Variants in GABRB3 observed in about 807,000 individuals in gnomAD.
GABRB3 encodes the protein gamma-aminobutyric acid type A receptor subunit beta3, also known as gamma-aminobutyric acid receptor subunit beta-3.
In GABRB3, 14 loss-of-function variants were observed where a neutral mutation model predicts 52.1. That is an observed-to-expected ratio of 0.27 (90% CI 0.18 to 0.42). The LOEUF is 0.42. GABRB3 is among the 10% of genes least tolerant of loss of function. The pLI is 1.00. For missense variants in GABRB3, 307 were observed against 609.1 expected, an observed-to-expected ratio of 0.50 and a Z score of 5.22; for synonymous variants, 260 against 232.3, an observed-to-expected ratio of 1.12 and a Z score of -1.08.
At chr15:26,561,263 C>T in intron 7 of GABRB3, 87 bp from the exon 8 acceptor site, 2 of 1,579,970 alleles carry the variant, frequency 1.3e-6, no homozygotes, top group Non-Finnish European at 1.7e-6. Context: ...TCTCAAACAG[C>T]TTTAAGTAGT....
intron 4 of GABRB3, among the ~76,000 whole-genome samples, chr15:26,587,254 T>TA (rs1268889308): frequency 6.6e-6 from 1 of 152,208 alleles, no homozygotes; most frequent in African/African-American, 2.4e-5. Flanking sequence ...TTTTTCTTTT[T>TA]ATGTGAGGAA....
intron 3 of GABRB3, among the ~76,000 whole-genome samples, chr15:26,669,592 A>C (rs1887824088): frequency 1.3e-5 from 2 of 150,744 alleles, no homozygotes; most frequent in African/African-American, 2.4e-5. Flanking sequence ...GCCTCTTTCC[A>C]AGACTCACTC....
intron 3 of GABRB3, among the ~76,000 whole-genome samples, chr15:26,747,268 C>T (rs573774260): frequency 2.6e-4 from 40 of 152,302 alleles, no homozygotes; most frequent in African/African-American, 9.1e-4. Context: ...TACAAAAATC[C>T]TTGCTGGGAC....
At chr15:26,689,529 T>TTCATGCCTCATTACACG (rs1454560446) in intron 3 of GABRB3, among the ~76,000 whole-genome samples, 1 of 152,248 alleles carries the variant, frequency 6.6e-6, no homozygotes. Context: ...AACATTACAC[T>TTCATGCCTCATTACACG]TCATGCCTCA....
chr15:26,617,207 G>A (rs1482999453), intron 4 of GABRB3, among the ~76,000 whole-genome samples: 6 of 152,138 alleles, frequency 3.9e-5, no homozygotes, highest in East Asian at 3.9e-4. Context: ...TAGAAAAAGA[G>A]GGAATCCTCC....
intron 3 of GABRB3, among the ~76,000 whole-genome samples, chr15:26,632,205 G>C (rs1481876396): frequency 6.6e-6 from 1 of 152,234 alleles, no homozygotes; most frequent in African/African-American, 2.4e-5. Context: ...ACAGCAATGC[G>C]AAAGAAGTAT....
intron 3 of GABRB3, among the ~76,000 whole-genome samples, chr15:26,756,557 G>A (rs569647312): frequency 1.3e-5 from 2 of 152,162 alleles, no homozygotes; most frequent in African/African-American, 4.8e-5. Flanking sequence ...CAGTCTGGGC[G>A]ACAGAGCAAG....
chr15:26,637,626 G>C (rs374272701), intron 3 of GABRB3, among the ~76,000 whole-genome samples: 4 of 152,314 alleles, frequency 2.6e-5, no homozygotes, highest in East Asian at 3.9e-4. Flanking sequence ...AGGTGTTCCA[G>C]ATTGGTTGAT....
rs756602022 is a variant in GABRB3, at chr15:26,772,515, G to A, written c.173-46C>T. ...GGCGATCAGCCCAGCTCCGGCGCGGGGCGCGGGCGGCTCTGAGGACTGGGG... is the reference window on the plus strand; with the variant it reads ...GGCGATCAGCCCAGCTCCGGCGCGGAGCGCGGGCGGCTCTGAGGACTGGGG... On this transcript the variant is annotated intron_variant, in intron 2 of 8. Coordinates refer to ENST00000311550, the MANE Select transcript of GABRB3 (RefSeq NM_000814.6). The A allele has an allele frequency of 5.0e-6, 8 of 1,587,590 alleles. No individual in the cohort carries two copies. In the Admixed American group the frequency reaches 8.7e-5, roughly 17 times the overall value.
At chr15:26,684,030 T>C (rs1034534731) in intron 3 of GABRB3, among the ~76,000 whole-genome samples, 3 of 111,810 alleles carry the variant, frequency 2.7e-5, no homozygotes, top group African/African-American at 7.5e-5. Flanking sequence ...AGAAGAAGTT[T>C]TGAGTGAGAT....
intron 3 of GABRB3, among the ~76,000 whole-genome samples, chr15:26,721,468 C>T (rs1889642331): frequency 6.6e-6 from 1 of 151,968 alleles, no homozygotes; most frequent in Non-Finnish European, 1.5e-5. Context: ...AGCCAGGCCT[C>T]CCCACTCCCT....
At chr15:26,615,921 G>A in intron 4 of GABRB3, 1 of 1,286,372 alleles carries the variant, frequency 7.8e-7, no homozygotes, top group Non-Finnish European at 1.0e-6. Context: ...AATCTCTGCT[G>A]GGCAGGACCT....
Position 26,547,571 on chromosome 15 carries a change from T to G in GABRB3, c.*222A>C, listed in dbSNP as rs1031994969. 1.7e-5 allele frequency: 10 copies of G among 598,738 alleles called. No homozygotes were observed. The highest frequency in any genetic ancestry group is 2.7e-5 in the Non-Finnish European group (9 of 337,266). The allele number at this position is 598,738 out of a possible 1,614,324, so 37.1% of individuals were successfully genotyped here. A position where few individuals can be genotyped will look rare whatever the true frequency, so the allele number is the denominator to read the frequency against. On this transcript the variant is annotated 3_prime_UTR_variant, in exon 9 of 9. Transcript: ENST00000311550. ...TATGTGTATTTGTCTTCCATACACA[T>G]GGGCACTGACTCCTGTGTGTATAAA...
At chr15:26,731,764 G>C (rs923625793) in intron 3 of GABRB3, among the ~76,000 whole-genome samples, 17 of 152,212 alleles carry the variant, frequency 1.1e-4, no homozygotes, top group Non-Finnish European at 2.1e-4. Flanking sequence ...GCACAGCAGA[G>C]TTGTGAACAC....
chr15:26,657,507 T>C (rs574088466), intron 3 of GABRB3, among the ~76,000 whole-genome samples: 1 of 152,182 alleles, frequency 6.6e-6, no homozygotes, highest in Non-Finnish European at 1.5e-5. Flanking sequence ...TGCTCAAGTG[T>C]AGGTAAAACT....
intron 3 of GABRB3, among the ~76,000 whole-genome samples, chr15:26,628,573 T>C (rs964664143): frequency 2.0e-5 from 3 of 152,194 alleles, no homozygotes; most frequent in Admixed American, 6.5e-5. Flanking sequence ...GATTCAGCTA[T>C]GTGAAGGGAA....
chr15:26,750,770 TA>T lies in GABRB3; in HGVS notation c.240+21631del, dbSNP rs573813936. Among the ~76,000 whole-genome samples the T allele has an allele frequency of 2.1e-4, 32 of 152,236 alleles. No individual in the cohort carries two copies. The East Asian group carries it at 2.7e-3, about 13-fold the overall frequency. On this transcript the variant is annotated intron_variant, in intron 3 of 8. Transcript: ENST00000311550. The stretch of plus-strand genomic sequence containing the variant: ...AAACTGCCAGAGATATGAAAGCCTG[TA>T]AAAAAACCTGTGATGCAGGCTAGAA...
intron 3 of GABRB3, among the ~76,000 whole-genome samples, chr15:26,641,540 T>C (rs965113951): frequency 7.2e-5 from 11 of 152,264 alleles, no homozygotes; most frequent in Admixed American, 5.9e-4. Context: ...TTGGTTAGAA[T>C]GAAGGTTTCC....
At chr15:26,684,491 C>G (rs1238254610) in intron 3 of GABRB3, among the ~76,000 whole-genome samples, 1 of 152,226 alleles carries the variant, frequency 6.6e-6, no homozygotes, top group Non-Finnish European at 1.5e-5. Context: ...GCACTCACAA[C>G]TTGGCTGTTT....
Sources: allele counts gnomAD v4.1 joint callset (sites outside exome capture counted in the v4.1 genomes callset), GRCh38; gene constraint gnomAD v4.1.1; transcripts MANE v1.5; gene names NCBI Gene and HGNC (gene_info 2026-07-23, HGNC 2026-07-21).